Variants in PTPRG observed in about 807,000 individuals in gnomAD.
PTPRG encodes receptor-type tyrosine-protein phosphatase gamma.
A neutral mutation model predicts 165.3 loss-of-function variants in PTPRG; 102 were observed. The ratio of observed to expected loss-of-function variants is 0.62; its 90% CI spans 0.53 to 0.73. PTPRG has a LOEUF of 0.73. Among genes scored for constraint, PTPRG ranks in the 30% least tolerant of loss-of-function variants. The probability of loss-of-function intolerance (pLI) is 0.00; values close to 1 mark genes in which losing one functional copy is unlikely to be tolerated. For synonymous variants in PTPRG, 675 were observed against 669.5 expected (o/e 1.01, Z -0.13); for missense variants, 1,866 against 1,861.4 (o/e 1.00, Z -0.05).
chr3:62,133,166 A>C (rs1382983043), intron 6 of PTPRG, among the ~76,000 whole-genome samples: 8 of 152,216 alleles, frequency 5.3e-5, no homozygotes, highest in Admixed American at 4.6e-4. Context: ...TCAGGCATAA[A>C]ACCGGGAGAG....
At chr3:61,806,657 C>G (rs998611777) in intron 2 of PTPRG, among the ~76,000 whole-genome samples, 47 of 151,956 alleles carry the variant, frequency 3.1e-4, no homozygotes, top group African/African-American at 1.0e-3. Flanking sequence ...TTGGTTATAC[C>G]TATTGGCAAA....
At chr3:61,859,958 C>A (rs1053529439) in intron 2 of PTPRG, among the ~76,000 whole-genome samples, 8 of 152,116 alleles carry the variant, frequency 5.3e-5, no homozygotes, top group African/African-American at 1.9e-4. Flanking sequence ...CTTTCATAAG[C>A]AACTGCTCTT....
chr3:61,951,669 T>C lies in PTPRG; in HGVS notation c.191-37956T>C, dbSNP rs1290856194. On this transcript the variant is annotated intron_variant, in intron 2 of 29. Transcript: ENST00000474889. ...TGAGATAGTCTACACAGAGTGTTTT[T>C]TGGGGAATGTGCAAGGGTTTCTTCT... is the stretch of plus-strand genomic sequence containing the variant. Among the ~76,000 whole-genome samples, 26 of 152,152 alleles carry C rather than the reference T, an allele frequency of 1.7e-4. 1 individual carries two copies. The highest frequency in any genetic ancestry group is 1.7e-3 in the Admixed American group (26 of 15,270).
intron 2 of PTPRG, among the ~76,000 whole-genome samples, chr3:61,869,389 T>G (rs1371334967): frequency 6.6e-6 from 1 of 152,198 alleles, no homozygotes; most frequent in Admixed American, 6.5e-5. Flanking sequence ...TGTTTCATTA[T>G]TTTGGCTGCA....
intron 8 of PTPRG, among the ~76,000 whole-genome samples, chr3:62,171,227 C>A (rs1348544259): frequency 2.0e-5 from 3 of 152,146 alleles, no homozygotes; most frequent in Non-Finnish European, 4.4e-5. Flanking sequence ...CTTGAACCTG[C>A]CTTTTAATGA....
At chr3:61,712,020 A>G (rs11716567) in intron 1 of PTPRG, among the ~76,000 whole-genome samples, 18,557 of 151,608 alleles carry the variant, frequency 0.12, 1,464 homozygotes, top group East Asian at 0.18. Flanking sequence ...CAGCCTCCCA[A>G]GTAGCTGGGA....
chr3:61,590,813 A>G (rs76494975), intron 1 of PTPRG, among the ~76,000 whole-genome samples: 3,079 of 152,206 alleles, frequency 0.02, 50 homozygotes, highest in Non-Finnish European at 0.032. Context: ...ATAGTATTCT[A>G]TTGTTGAAAA....
chr3:61,864,605 A>G (rs879468903), intron 2 of PTPRG, among the ~76,000 whole-genome samples: 3 of 152,122 alleles, frequency 2.0e-5, no homozygotes, highest in Non-Finnish European at 2.9e-5. Flanking sequence ...GGTGAACTGA[A>G]TTTGTTTCAG....
intron 3 of PTPRG, among the ~76,000 whole-genome samples, chr3:61,992,163 ATACTC>A (rs935599408): frequency 3.3e-5 from 5 of 152,242 alleles, no homozygotes; most frequent in Non-Finnish European, 7.3e-5. Flanking sequence ...TATATTGTAA[ATACTC>A]TAAGATGATT....
intron 1 of PTPRG, among the ~76,000 whole-genome samples, chr3:61,734,518 G>T (rs1236111335): frequency 6.6e-6 from 1 of 152,110 alleles, no homozygotes; most frequent in East Asian, 1.9e-4. Flanking sequence ...ATTCACCCAG[G>T]ATTTCTGTGA....
At chr3:61,822,106 T>C (rs1368052960) in intron 2 of PTPRG, among the ~76,000 whole-genome samples, 2 of 152,248 alleles carry the variant, frequency 1.3e-5, no homozygotes, top group African/African-American at 4.8e-5. Context: ...ATCTCTCTTT[T>C]CTGACCTGGA....
intron 2 of PTPRG, among the ~76,000 whole-genome samples, chr3:61,982,825 C>T (rs554327426): frequency 6.6e-6 from 1 of 152,068 alleles, no homozygotes; most frequent in East Asian, 1.9e-4. Flanking sequence ...AAATAGACAC[C>T]CTGGGAAATT....
At chr3:62,147,620 G>C (rs965147221) in intron 6 of PTPRG, among the ~76,000 whole-genome samples, 2 of 152,174 alleles carry the variant, frequency 1.3e-5, no homozygotes, top group African/African-American at 4.8e-5. Flanking sequence ...ATGTTGACTT[G>C]GAGATGAGGA....
At chr3:62,056,618 T>C (rs1209472313) in intron 4 of PTPRG, among the ~76,000 whole-genome samples, 1 of 152,182 alleles carries the variant, frequency 6.6e-6, no homozygotes, top group East Asian at 1.9e-4. Flanking sequence ...ATAGTATTCT[T>C]GGCCTAAAAT....
chr3:61,733,448 G>A (rs78287958), intron 1 of PTPRG, among the ~76,000 whole-genome samples: 2,103 of 150,278 alleles, frequency 0.014, 56 homozygotes, highest in African/African-American at 0.045. Context: ...TTTTAAAATG[G>A]GAATAATGAG....
intron 7 of PTPRG, among the ~76,000 whole-genome samples, chr3:62,158,518 C>T (rs1471909837): frequency 3.3e-5 from 5 of 152,140 alleles, no homozygotes; most frequent in Non-Finnish European, 5.9e-5. Context: ...TCTGAATAGA[C>T]ATTGGCCAAC....
chr3:62,058,117 C>T (rs974310427), intron 4 of PTPRG, among the ~76,000 whole-genome samples: 5 of 152,178 alleles, frequency 3.3e-5, no homozygotes, highest in African/African-American at 1.2e-4. Flanking sequence ...CCCTAGCATG[C>T]AATTCCCCAT....
rs1453690040 is a variant in PTPRG at position 62,168,116 on chromosome 3, A to G, written c.986A>G (p.Asp329Gly). Reference protein sequence around the residue: ...KSAVRDSWNHDMTDFLENPLG... With the variant: ...KSAVRDSWNHGMTDFLENPLG... ...GCCGTCCGTGACTCCTGGAACCACG[A>G]CATGACAGACTTCTTAGAAAACCCA... The change falls in exon 8 of 30, where the codon GAC becomes GGC. Residue 329 changes from aspartate (D) to glycine (G), a missense_variant. By Grantham distance (94) the Asp-to-Gly change is moderately conservative (BLOSUM62 -1). Transcript: ENST00000474889. The G allele has an allele frequency of 1.2e-6, 2 of 1,614,026 alleles. No homozygotes were observed. Among genetic ancestry groups the G allele is most frequent in the Non-Finnish European group, 1.7e-6 (2 of 1,180,006 alleles).
intron 2 of PTPRG, among the ~76,000 whole-genome samples, chr3:61,899,127 G>A (rs1049268837): frequency 3.3e-5 from 5 of 152,134 alleles, no homozygotes; most frequent in Admixed American, 1.3e-4. Flanking sequence ...CTGTTAGCCA[G>A]GCTGTAAGTT....
Sources: allele counts gnomAD v4.1 joint callset (sites outside exome capture counted in the v4.1 genomes callset), GRCh38; gene constraint gnomAD v4.1.1; transcripts MANE v1.5; gene names NCBI Gene and HGNC (gene_info 2026-07-23, HGNC 2026-07-21).